The following PCDHGA7 variants were observed in gnomAD, a reference collection of about 807,000 sequenced individuals.
PCDHGA7 encodes the protein protocadherin gamma-A7.
Under a neutral mutation model 58.3 loss-of-function variants are expected in PCDHGA7, and 44 were observed. The ratio of observed to expected loss-of-function variants is 0.75; its 90% CI spans 0.59 to 0.97. PCDHGA7 has a LOEUF of 0.97. Ranked by LOEUF, PCDHGA7 falls within the 50% of genes least tolerant of loss-of-function variation. The pLI, the probability that PCDHGA7 is intolerant of heterozygous loss-of-function variation, is 0.00. For missense variants in PCDHGA7, 1,266 were observed against 1,188.7 expected (o/e 1.06, Z -0.96); for synonymous variants, 516 against 504.2 (o/e 1.02, Z -0.31).
chr5:141,490,033 A>C lies in PCDHGA7; in HGVS notation c.2425-4774A>C, dbSNP rs200482631. The C allele has an allele frequency of 4.0e-5, 65 of 1,614,116 alleles. No homozygotes were observed. Among genetic ancestry groups the C allele is most frequent in the Non-Finnish European group, 4.1e-5 (48 of 1,180,040 alleles). On this transcript the variant is annotated intron_variant, in intron 1 of 3. Transcript: ENST00000518325. This position sits in a 1 kb window ranked among gnomAD's most constrained non-coding sequence, Gnocchi z 5.4. ...CATTGGTACTCTGCTGCTCCGCCTC[A>C]ATGCCACTGATCCAGACGAGGGCAC...
rs764070772 is a variant in PCDHGA7, at chr5:141,476,415, C to T, written c.2425-18392C>T. ...CTGGATCGAGAGGAGCTGTGTGGGACACTGCCCTCTTGCACTGTAACTCTG... is the reference window on the plus strand; with the variant it reads ...CTGGATCGAGAGGAGCTGTGTGGGATACTGCCCTCTTGCACTGTAACTCTG... On this transcript the variant is annotated intron_variant, in intron 1 of 3. Transcript: ENST00000518325. This position sits in a 1 kb window ranked among gnomAD's most constrained non-coding sequence, Gnocchi z 7.6. 2.5e-6 allele frequency: 4 copies of T among 1,614,098 alleles called. No homozygotes were observed. The South Asian group carries it at 4.4e-5, about 18-fold the overall frequency.
chr5:141,409,628 G>T (rs367728235), intron 1 of PCDHGA7: 1 of 1,613,848 alleles, frequency 6.2e-7, no homozygotes. Flanking sequence ...GCAAGTGAGC[G>T]CCTCTGACCC....
intron 1 of PCDHGA7, chr5:141,420,275 G>A: frequency 1.3e-6 from 2 of 1,524,576 alleles, no homozygotes; most frequent in Non-Finnish European, 1.8e-6. Flanking sequence ...TCTTAAACAG[G>A]TAAGTATTTA....
intron 1 of PCDHGA7, chr5:141,422,988 C>T: frequency 6.2e-7 from 1 of 1,614,232 alleles, no homozygotes; most frequent in Non-Finnish European, 8.5e-7. Context: ...AACCTGGCTA[C>T]CTGGTGACCA....
In PCDHGA7 at chr5:141,431,184, T is replaced by G. The variant is rs754537015; in HGVS notation, c.2424+45861T>G. The G allele has an allele frequency of 5.6e-6, 9 of 1,614,090 alleles. No homozygotes were observed. Among genetic ancestry groups the G allele is most frequent in the Non-Finnish European group, 6.8e-6 (8 of 1,180,050 alleles). ...CGTGAAAGTGAATTAGAAATAAAAA[T>G]TAGTGAAAATGCAGCCACTGAGATG... On this transcript the variant is annotated intron_variant, in intron 1 of 3. Transcript: ENST00000518325. The surrounding 1 kb of genome is among the most constrained non-coding windows in gnomAD (Gnocchi z 4.8).
At chr5:141,418,987 A>T (rs1244429131) in intron 1 of PCDHGA7, 2 of 1,613,856 alleles carry the variant, frequency 1.2e-6, no homozygotes, top group Non-Finnish European at 1.7e-6. Flanking sequence ...ACCAAGACTC[A>T]GGGGAAAATG....
chr5:141,492,164 C>T (rs1180358388), intron 1 of PCDHGA7, among the ~76,000 whole-genome samples: 2 of 152,230 alleles, frequency 1.3e-5, no homozygotes, highest in East Asian at 1.9e-4. Context: ...CTCCCTATCC[C>T]CGCATCACCC....
At position 141,431,513 on chromosome 5, in the gene PCDHGA7, C is replaced by A. The variant is rs1468442248; in HGVS notation, c.2424+46190C>A. ...TCAGCCCGAGTACCGCGCGAGCGTT[C>A]CGGAGAATCTGGCCTTGGGCACGCA... is the stretch of plus-strand genomic sequence containing the variant. On this transcript the variant is annotated intron_variant, in intron 1 of 3. Transcript: ENST00000518325. The surrounding 1 kb of genome is among the most constrained non-coding windows in gnomAD (Gnocchi z 4.8). 1 of 1,614,022 alleles carries A rather than the reference C, an allele frequency of 6.2e-7. No individual in the cohort carries two copies. The highest frequency in any genetic ancestry group is 1.7e-5 in the Admixed American group (1 of 60,032).
intron 1 of PCDHGA7, chr5:141,415,379 G>T: frequency 3.7e-6 from 6 of 1,614,250 alleles, no homozygotes; most frequent in Non-Finnish European, 3.4e-6. Flanking sequence ...TCAGGAGGCG[G>T]CTTGACAGGT....
chr5:141,430,622 A>T, intron 1 of PCDHGA7: 1 of 752,270 alleles, frequency 1.3e-6, no homozygotes, highest in Admixed American at 2.9e-5. Context: ...GATAGCTAGG[A>T]ATGAACCATC....
intron 3 of PCDHGA7, among the ~76,000 whole-genome samples, chr5:141,509,045 GC>G (rs1165443091): frequency 6.6e-6 from 1 of 152,060 alleles, no homozygotes; most frequent in Non-Finnish European, 1.5e-5. Context: ...CCTCTCCCCC[GC>G]CCCCAGAAAG....
chr5:141,510,798 A>G, intron 3 of PCDHGA7, 149 bp from the exon 4 acceptor site: 1 of 1,474,326 alleles, frequency 6.8e-7, no homozygotes, highest in South Asian at 1.3e-5. Context: ...GTGAAGAGAG[A>G]CTACCTTGGT....
At chr5:141,460,993 A>T (rs1230217075) in intron 1 of PCDHGA7, among the ~76,000 whole-genome samples, 1 of 143,898 alleles carries the variant, frequency 6.9e-6, no homozygotes, top group South Asian at 2.2e-4. Flanking sequence ...GTATATATAT[A>T]TATGTGTATA....
chr5:141,451,408 T>C (rs1244686397), intron 1 of PCDHGA7, among the ~76,000 whole-genome samples: 1 of 152,204 alleles, frequency 6.6e-6, no homozygotes, highest in Non-Finnish European at 1.5e-5. Flanking sequence ...ATTAAGTTCC[T>C]TGTGGATTGT....
chr5:141,483,872 T>A (rs1373802168), intron 1 of PCDHGA7, among the ~76,000 whole-genome samples: 1 of 152,080 alleles, frequency 6.6e-6, no homozygotes, highest in African/African-American at 2.4e-5. Context: ...CAGATCAGGA[T>A]GGATTTTTCT....
intron 1 of PCDHGA7, among the ~76,000 whole-genome samples, chr5:141,457,015 A>T (rs1216403373): frequency 6.6e-6 from 1 of 152,182 alleles, no homozygotes; most frequent in Admixed American, 6.5e-5. Context: ...AATCCAATAA[A>T]AAGTCCTAGT....
In PCDHGA7 at chr5:141,404,489, G is replaced by A. The variant is rs867768935; in HGVS notation, c.2424+19166G>A. 30 of 1,613,796 alleles carry A rather than the reference G, an allele frequency of 1.9e-5. No individual in the cohort carries two copies. The highest frequency in any genetic ancestry group is 1.3e-4 in the African/African-American group (10 of 75,048). On this transcript the variant is annotated intron_variant, in intron 1 of 3. Transcript: ENST00000518325. ...TGTCTCTATTAACTCAGACACTGGT[G>A]TGCTGTATGCTCTGTGCTCCTTTGA...
chr5:141,409,751 C>G lies in PCDHGA7; in HGVS notation c.2424+24428C>G, dbSNP rs774810318. The G allele has an allele frequency of 1.5e-5, 25 of 1,613,000 alleles. No homozygotes were observed. In the Admixed American group the frequency reaches 4.0e-4, roughly 26 times the overall value. The stretch of plus-strand genomic sequence containing the variant: ...CGCGCAGAGCGGGGTGGTGTTCGCG[C>G]AGCGCGCCTTTGATCACGAGCAGCT... On this transcript the variant is annotated intron_variant, in intron 1 of 3. Coordinates refer to ENST00000518325, the MANE Select transcript of PCDHGA7 (RefSeq NM_018920.4).
At position 141,477,213 on chromosome 5, in the gene PCDHGA7, C is replaced by G; in HGVS notation, c.2425-17594C>G. ...TACAGCCCAGTACCCGAGGATGCCC[C>G]TCTGGGGACTGTCATCGCTTTGCTC... is the stretch of plus-strand genomic sequence containing the variant. On this transcript the variant is annotated intron_variant, in intron 1 of 3. Coordinates refer to ENST00000518325, the MANE Select transcript of PCDHGA7 (RefSeq NM_018920.4). The surrounding 1 kb of genome is among the most constrained non-coding windows in gnomAD (Gnocchi z 4.9). 6.2e-7 allele frequency: 1 copy of G among 1,614,184 alleles called. No individual in the cohort carries two copies.
Sources: allele counts gnomAD v4.1 joint callset (sites outside exome capture counted in the v4.1 genomes callset), GRCh38; gene constraint gnomAD v4.1.1; non-coding constraint Gnocchi (gnomAD v3.1); transcripts MANE v1.5; gene names NCBI Gene and HGNC (gene_info 2026-07-23, HGNC 2026-07-21).